STK24: variants seen among roughly 807,000 people sequenced by gnomAD.
STK24 encodes the protein serine/threonine kinase 24.
Under a neutral mutation model 55.6 loss-of-function variants are expected in STK24, and 21 were observed. The observed-to-expected ratio is 0.38, with a 90% CI of 0.27 to 0.54. STK24 has a LOEUF of 0.54. STK24 is among the 20% of genes least tolerant of loss of function. The pLI is 0.79. For missense variants in STK24, 383 were observed against 538.4 expected, an observed-to-expected ratio of 0.71 and a Z score of 2.86; for synonymous variants, 200 against 215.2, an observed-to-expected ratio of 0.93 and a Z score of 0.62.
chr13:98,445,621 C>T lies in STK24; in HGVS notation c.*7552G>A, dbSNP rs1322000616. On this transcript the variant is annotated 3_prime_UTR_variant, in exon 11 of 11. Coordinates refer to ENST00000539966, the MANE Select transcript of STK24 (RefSeq NM_001032296.4). ...TCTGAGCTTGTTGGGATGGATCTTTCCCTCCTTCAGCTTCCGCCTGCTGGC... is the reference window on the plus strand; with the variant it reads ...TCTGAGCTTGTTGGGATGGATCTTTTCCTCCTTCAGCTTCCGCCTGCTGGC... 6.5e-6 allele frequency: 1 copy of T among 154,210 alleles called. No homozygotes were observed. The highest frequency in any genetic ancestry group is 1.4e-5 in the Non-Finnish European group (1 of 69,444). 9.6% of individuals were successfully genotyped at this position (154,210 alleles called of 1,614,324 possible). A position where few individuals can be genotyped will look rare whatever the true frequency, so the allele number is the denominator to read the frequency against.
chr13:98,529,572 C>T (rs1163099614), intron 1 of STK24, among the ~76,000 whole-genome samples: 1 of 152,204 alleles, frequency 6.6e-6, no homozygotes, highest in Non-Finnish European at 1.5e-5. Flanking sequence ...ATACTGTCTA[C>T]AAGCGCCAAA....
At chr13:98,512,931 C>T (rs1895935418) in intron 2 of STK24, among the ~76,000 whole-genome samples, 1 of 152,232 alleles carries the variant, frequency 6.6e-6, no homozygotes, top group Non-Finnish European at 1.5e-5. Context: ...ATAAGGAACA[C>T]CAGACTTACC....
Position 98,448,993 on chromosome 13 carries a change from CGTAGCAGG to C in STK24, c.*4172_*4179del, listed in dbSNP as rs1330102385. On this transcript the variant is annotated 3_prime_UTR_variant, in exon 11 of 11. Transcript: ENST00000539966. ...GTTTTAAGTGGTAACTCTTTCCAACCGTAGCAGGGTTGTTTTCTGTTAAGCAAAGCCGA... is the reference window on the plus strand; with the variant it reads ...GTTTTAAGTGGTAACTCTTTCCAACCGTTGTTTTCTGTTAAGCAAAGCCGA... The C allele has an allele frequency of 6.6e-6, 1 of 152,142 alleles. No individual in the cohort carries two copies. Among genetic ancestry groups the C allele is most frequent in the Non-Finnish European group, 1.5e-5 (1 of 68,052 alleles). The allele number at this position is 152,142 out of a possible 1,614,324, so 9.4% of individuals were successfully genotyped here.
At chr13:98,514,628 T>A (rs1381692559) in intron 2 of STK24, among the ~76,000 whole-genome samples, 3 of 152,204 alleles carry the variant, frequency 2.0e-5, no homozygotes, top group African/African-American at 7.2e-5. Context: ...CAGGGCATGT[T>A]TCTTTAATAA....
intron 2 of STK24, among the ~76,000 whole-genome samples, chr13:98,515,749 T>C (rs894935008): frequency 1.3e-5 from 2 of 152,210 alleles, no homozygotes; most frequent in Admixed American, 6.5e-5. Context: ...AAAACATAAT[T>C]ATGAGACCTG....
intron 1 of STK24, among the ~76,000 whole-genome samples, chr13:98,563,732 T>C (rs1022075363): frequency 5.3e-5 from 8 of 151,152 alleles, no homozygotes; most frequent in South Asian, 2.1e-4. Context: ...TGGTGGCGGG[T>C]GCCTATAGTC....
intron 2 of STK24, among the ~76,000 whole-genome samples, chr13:98,501,162 A>G (rs1327392354): frequency 6.6e-6 from 1 of 152,254 alleles, no homozygotes; most frequent in East Asian, 1.9e-4. Context: ...ACTAAAAACA[A>G]TTCAGTTTTC....
chr13:98,489,619 C>A (rs984691994), intron 2 of STK24, among the ~76,000 whole-genome samples: 1 of 152,216 alleles, frequency 6.6e-6, no homozygotes, highest in African/African-American at 2.4e-5. Context: ...CCTGGTTGCT[C>A]ACGAAGGTCC....
intron 3 of STK24, among the ~76,000 whole-genome samples, chr13:98,480,543 T>C (rs1894543244): frequency 6.6e-6 from 1 of 152,224 alleles, no homozygotes; most frequent in African/African-American, 2.4e-5. Context: ...TTTTTCCCTT[T>C]TTAATATAAT....
At chr13:98,556,136 G>T (rs1265392618) in intron 1 of STK24, among the ~76,000 whole-genome samples, 1 of 152,132 alleles carries the variant, frequency 6.6e-6, no homozygotes, top group African/African-American at 2.4e-5. Context: ...CTCCTTCCCC[G>T]GGGAATTGTC....
chr13:98,518,862 T>A (rs1422319020), intron 2 of STK24, among the ~76,000 whole-genome samples: 1 of 152,232 alleles, frequency 6.6e-6, no homozygotes, highest in East Asian at 1.9e-4. Context: ...AAACCACAGC[T>A]GGTAAGTGAG....
intron 3 of STK24, among the ~76,000 whole-genome samples, chr13:98,477,873 G>A (rs1894437341): frequency 2.0e-5 from 3 of 152,092 alleles, no homozygotes; most frequent in Admixed American, 6.6e-5. Flanking sequence ...GAAGAGGTGA[G>A]GAACACTCAT....
At chr13:98,576,089 T>G in intron 1 of STK24, 2 of 984,448 alleles carry the variant, frequency 2.0e-6, no homozygotes, top group Non-Finnish European at 2.4e-6. Flanking sequence ...GGGACCCTGG[T>G]GCGCGGCTGT....
At position 98,449,885 on chromosome 13, in the gene STK24, C is replaced by CA. The variant is rs1319661637; in HGVS notation, c.*3287dup. On this transcript the variant is annotated 3_prime_UTR_variant, in exon 11 of 11. Transcript: ENST00000539966. ...AGTGACACAGGGAGGGCCTGCCCCC[C>CA]ACTGTTCCCTATGCTCCCCCCACCT... The CA allele has an allele frequency of 6.6e-6, 1 of 152,334 alleles. No individual in the cohort carries two copies. The highest frequency in any genetic ancestry group is 6.6e-5 in the Admixed American group (1 of 15,258). 9.4% of individuals were successfully genotyped at this position (152,334 alleles called of 1,614,324 possible).
At chr13:98,529,590 T>C (rs1234338627) in intron 1 of STK24, among the ~76,000 whole-genome samples, 2 of 152,190 alleles carry the variant, frequency 1.3e-5, no homozygotes, top group African/African-American at 4.8e-5. Context: ...AAAGGTCATA[T>C]ACAGTATGAG....
At chr13:98,573,904 C>T (rs1208562754) in intron 1 of STK24, among the ~76,000 whole-genome samples, 1 of 152,118 alleles carries the variant, frequency 6.6e-6, no homozygotes, top group East Asian at 1.9e-4. Context: ...AATCAAGAGG[C>T]ATAAAAATGA....
At chr13:98,554,681 AC>A (rs1897241325) in intron 1 of STK24, among the ~76,000 whole-genome samples, 1 of 152,076 alleles carries the variant, frequency 6.6e-6, no homozygotes, top group Non-Finnish European at 1.5e-5. Context: ...CAAACTAAAA[AC>A]CTGGCATTTT....
At position 98,446,613 on chromosome 13, in the gene STK24, C is replaced by A; in HGVS notation, c.*6560G>T. ...TCTGATGCGGGGCAGCAGCCAGGCCCAGCAGCAGAAGCTGACCCCGAAAAG... is the reference window on the plus strand; with the variant it reads ...TCTGATGCGGGGCAGCAGCCAGGCCAAGCAGCAGAAGCTGACCCCGAAAAG... On this transcript the variant is annotated 3_prime_UTR_variant, in exon 11 of 11. Transcript: ENST00000539966. 1 of 1,590,434 alleles carries A rather than the reference C, an allele frequency of 6.3e-7. No homozygotes were observed. The highest frequency in any genetic ancestry group is 1.1e-5 in the South Asian group (1 of 89,140).
chr13:98,551,264 C>T (rs537085105), intron 1 of STK24, among the ~76,000 whole-genome samples: 2 of 149,352 alleles, frequency 1.3e-5, no homozygotes, highest in Admixed American at 6.7e-5. Context: ...CTAGCCTGGG[C>T]GACAGAGTGA....
Sources: gnomAD v4.1 joint callset for allele counts (sites outside exome capture counted in the v4.1 genomes callset) on GRCh38, gnomAD v4.1.1 for gene constraint, MANE v1.5 for transcripts, NCBI Gene and HGNC (gene_info 2026-07-23, HGNC 2026-07-21) for gene names.